HBD: variants seen among roughly 807,000 people sequenced by gnomAD.
HBD encodes delta globin.
A neutral mutation model predicts 9.2 loss-of-function variants in HBD; 11 were observed. The ratio of observed to expected loss-of-function variants is 1.20; its 90% CI spans 0.76 to 1.99. HBD has a LOEUF of 1.99. Ranked by LOEUF, HBD falls within the 30% of genes most tolerant of loss-of-function variation. The pLI is 0.00. For synonymous variants in HBD, 83 were observed against 69.4 expected, an observed-to-expected ratio of 1.20 and a Z score of -0.98; for missense variants, 189 against 174.3, an observed-to-expected ratio of 1.08 and a Z score of -0.47.
At chr11:5,233,175 A>G in intron 2 of HBD, 83 bp from the exon 3 acceptor site, 1 of 1,483,480 alleles carries the variant, frequency 6.7e-7, no homozygotes, top group South Asian at 1.1e-5. Flanking sequence ...GCCAACACCC[A>G]TTTTTTTCTG....
At chr11:5,234,279 C>T in intron 1 of HBD, 63 bp downstream of exon 1, 1 of 1,597,770 alleles carries the variant, frequency 6.3e-7, no homozygotes, top group Non-Finnish European at 8.6e-7. Context: ...AGAGTCTTCT[C>T]TGTCTACACA....
At chr11:5,233,215 G>T in intron 2 of HBD, 123 bp from the exon 3 acceptor site, 2 of 897,638 alleles carry the variant, frequency 2.2e-6, no homozygotes, top group South Asian at 1.4e-5. Flanking sequence ...TGATCCCCAG[G>T]TTATTCCCAT....
intron 1 of HBD, 21 bp from the exon 2 acceptor site, chr11:5,234,234 C>T: frequency 6.2e-7 from 1 of 1,608,842 alleles, no homozygotes; most frequent in Non-Finnish European, 8.5e-7. Context: ...GAAAACAGCC[C>T]AAGGGACAGA....
chr11:5,233,963 A>G (rs1847702412), intron 2 of HBD, 28 bp downstream of exon 2: 1 of 1,598,502 alleles, frequency 6.3e-7, no homozygotes, highest in Non-Finnish European at 8.6e-7. Flanking sequence ...AAGTAAAAAG[A>G]GAAAAGTGAA....
At chr11:5,233,956 T>C in intron 2 of HBD, 35 bp downstream of exon 2, 3 of 1,589,658 alleles carry the variant, frequency 1.9e-6, no homozygotes, top group Non-Finnish European at 2.6e-6. Flanking sequence ...GATTAGAAAG[T>C]AAAAAGAGAA....
Position 5,234,340 on chromosome 11 carries a change from A to G in HBD, c.92+2T>C, listed in dbSNP as rs35540211. 16 of 1,613,260 alleles carry G rather than the reference A, an allele frequency of 9.9e-6. No homozygotes were observed. The highest frequency in any genetic ancestry group is 2.2e-5 in the South Asian group (2 of 91,054). On this transcript the variant is annotated splice_donor_variant, in intron 1 of 2. Coordinates refer to ENST00000650601, the MANE Select transcript of HBD (RefSeq NM_000519.4). LOFTEE classifies it high-confidence loss of function. The stretch of plus-strand genomic sequence containing the variant: ...AGCCTCTCTTATAACCTTGATACCA[A>G]CCTGCCCAGGGCCTCACCACCAACT...
At position 5,234,123 on chromosome 11, in the gene HBD, C is replaced by T; in HGVS notation, c.183G>A (p.Val61=). 1 of 1,614,104 alleles carries T rather than the reference C, an allele frequency of 6.2e-7. No homozygotes were observed. Among genetic ancestry groups the T allele is most frequent in the Non-Finnish European group, 8.5e-7 (1 of 1,180,000 alleles). ...CTAGCACCTTCTTGCCATGAGCCTT[C>T]ACCTTAGGGTTGCCCATAACAGCAT... is the stretch of plus-strand genomic sequence containing the variant. ...SPDAVMGNPK[V]KAHGKKVLGA... Residue 61 remains valine, a synonymous_variant, in exon 2 of 3, where the codon GTG becomes GTA. Coordinates refer to ENST00000650601, the MANE Select transcript of HBD (RefSeq NM_000519.4).
chr11:5,234,025 C>T lies in HBD; in HGVS notation c.281G>A (p.Cys94Tyr), dbSNP rs1450372254. The T allele has an allele frequency of 1.2e-6, 2 of 1,614,036 alleles. No individual in the cohort carries two copies. The highest frequency in any genetic ancestry group is 1.7e-5 in the Admixed American group (1 of 60,006). ...CTCAGGATCCACGTGCAGCTTGTCA[C>T]AGTGCAGCTCACTCAGCTGAGAAAA... ...GTFSQLSELH[C>Y]DKLHVDPENF... The change falls in exon 2 of 3, where the codon TGT (cysteine) becomes TAT (tyrosine). Residue 94 changes from cysteine to tyrosine, a missense_variant. Transcript: ENST00000650601.
intron 2 of HBD, among the ~76,000 whole-genome samples, chr11:5,233,739 T>A (rs1038005622): frequency 6.6e-6 from 1 of 151,908 alleles, no homozygotes; most frequent in African/African-American, 2.4e-5. Context: ...ATTTGAGTTG[T>A]TGTTAGAGAA....
chr11:5,232,960 G>C lies in HBD; in HGVS notation c.*4C>G. ...TTATGGTTATCAGGAAACAGTCCAG[G>C]ATCTCAATGGTACTTGTGAGCCAGG... On this transcript the variant is annotated 3_prime_UTR_variant, in exon 3 of 3. Transcript: ENST00000650601. The C allele has an allele frequency of 6.2e-7, 1 of 1,613,992 alleles. No individual in the cohort carries two copies. The highest frequency in any genetic ancestry group is 1.1e-5 in the South Asian group (1 of 91,076).
intron 1 of HBD, 26 bp from the exon 2 acceptor site, chr11:5,234,239 G>T: frequency 6.2e-7 from 1 of 1,606,314 alleles, no homozygotes; most frequent in South Asian, 1.1e-5. Context: ...CAGCCCAAGG[G>T]ACAGAGAGTC....
chr11:5,233,421 A>G (rs1847695442), intron 2 of HBD, among the ~76,000 whole-genome samples: 1 of 152,206 alleles, frequency 6.6e-6, no homozygotes, highest in South Asian at 2.1e-4. Context: ...TAATTACTAT[A>G]AACAGATTAA....
intron 2 of HBD, 60 bp from the exon 3 acceptor site, chr11:5,233,152 T>C: frequency 6.3e-7 from 1 of 1,591,826 alleles, no homozygotes; most frequent in South Asian, 1.1e-5. Context: ...AAGACTGGCT[T>C]CTGAGAAACT....
Position 5,232,989 on chromosome 11 carries a change from T to C in HBD, c.419A>G (p.Asn140Ser), listed in dbSNP as rs1589896904. ...AYQKVVAGVANALAHKYH is the reference protein window; with the variant it reads ...AYQKVVAGVASALAHKYH ...TCAATGGTACTTGTGAGCCAGGGCA[T>C]TAGCCACACCAGCCACCACCTTCTG... is the stretch of plus-strand genomic sequence containing the variant. The change falls in exon 3 of 3, where the codon AAT becomes AGT. Residue 140 changes from asparagine to serine, a missense_variant. By Grantham distance (46) the Asn-to-Ser change is conservative. Transcript: ENST00000650601. 1.2e-6 allele frequency: 2 copies of C among 1,614,068 alleles called. No homozygotes were observed. The highest frequency in any genetic ancestry group is 1.7e-6 in the Non-Finnish European group (2 of 1,179,944).
At chr11:5,233,841 T>C in intron 2 of HBD, 150 bp downstream of exon 2, 1 of 685,158 alleles carries the variant, frequency 1.5e-6, no homozygotes, top group Non-Finnish European at 2.5e-6. Flanking sequence ...ATGCAGAATA[T>C]TTAAATAAAA....
At chr11:5,233,501 C>A (rs1056339103) in intron 2 of HBD, among the ~76,000 whole-genome samples, 2 of 152,184 alleles carry the variant, frequency 1.3e-5, no homozygotes, top group African/African-American at 4.8e-5. Flanking sequence ...TGCCCCACCT[C>A]CAGTGTAACT....
In HBD at chr11:5,234,100, AG is replaced by A. The variant is rs1847707019; in HGVS notation, c.205del (p.Leu69Ter). ...PKVKAHGKKV[L>X]GAFSDGLAHL... ...AGCCAGGCCATCACTAAAGGCACCTAGCACCTTCTTGCCATGAGCCTTCACC... is the reference window on the plus strand; with the variant it reads ...AGCCAGGCCATCACTAAAGGCACCTACACCTTCTTGCCATGAGCCTTCACC... On this transcript the variant is annotated frameshift_variant, in exon 2 of 3. Transcript: ENST00000650601. LOFTEE classifies it high-confidence loss of function. 1 of 1,614,088 alleles carries A rather than the reference AG, an allele frequency of 6.2e-7. No homozygotes were observed. The highest frequency in any genetic ancestry group is 1.3e-5 in the African/African-American group (1 of 75,014).
chr11:5,233,082 T>C lies in HBD; in HGVS notation c.326A>G (p.Asn109Ser). ...GCGGGCCAGCACACACACCAGCACA[T>C]TGCCCAAGAGCTGCGGAGAAGAGGT... The part of the protein sequence containing the change: ...VDPENFRLLG[N>S]VLVCVLARNF... The change falls in exon 3 of 3, where the codon AAT becomes AGT. Residue 109 changes from asparagine to serine, a missense_variant. Transcript: ENST00000650601. 1.2e-6 allele frequency: 2 copies of C among 1,613,988 alleles called. No homozygotes were observed. The highest frequency in any genetic ancestry group is 1.7e-6 in the Non-Finnish European group (2 of 1,179,942).
rs1424694816 is a variant in HBD at position 5,232,932 on chromosome 11, T to G, written c.*32A>C. On this transcript the variant is annotated 3_prime_UTR_variant, in exon 3 of 3. Coordinates refer to ENST00000650601, the MANE Select transcript of HBD (RefSeq NM_000519.4). ...AAATAGAATCTAGGGAAATAGGGTC[T>G]TCTTATGGTTATCAGGAAACAGTCC... 2.5e-6 allele frequency: 4 copies of G among 1,613,936 alleles called. No homozygotes were observed. In the Admixed American group the frequency reaches 6.7e-5, roughly 27 times the overall value.
Sources: gnomAD v4.1 joint callset for allele counts (sites outside exome capture counted in the v4.1 genomes callset) on GRCh38, gnomAD v4.1.1 for gene constraint, MANE v1.5 for transcripts, NCBI Gene and HGNC (gene_info 2026-07-23, HGNC 2026-07-21) for gene names.